KIAA0825: variants seen among roughly 807,000 people sequenced by gnomAD.
The protein encoded by KIAA0825 is KIAA0825.
KIAA0825 carries 119 observed loss-of-function variants against 147.6 expected under a neutral mutation model. The ratio of observed to expected loss-of-function variants is 0.81; its 90% CI spans 0.69 to 0.94. The LOEUF (loss-of-function observed/expected upper bound fraction) is 0.94, where lower values mean the gene tolerates loss of function less well. KIAA0825 is among the 40% of genes least tolerant of loss of function. KIAA0825 has a pLI of 0.00. For synonymous variants in KIAA0825, 470 were observed against 518.1 expected (o/e 0.91, Z 1.26); for missense variants, 1,381 against 1,472.7 (o/e 0.94, Z 1.02).
At chr5:94,276,892 C>A (rs1392301425) in intron 20 of KIAA0825, among the ~76,000 whole-genome samples, 3 of 152,042 alleles carry the variant, frequency 2.0e-5, no homozygotes, top group Non-Finnish European at 4.4e-5. Context: ...AATGAGAATT[C>A]TTTTCCTAAG....
At chr5:94,509,546 T>C (rs911977770) in intron 5 of KIAA0825, among the ~76,000 whole-genome samples, 5 of 152,180 alleles carry the variant, frequency 3.3e-5, no homozygotes, top group African/African-American at 1.2e-4. Context: ...TCCATAAACA[T>C]AGAAAGCTTC....
chr5:94,553,697 C>T (rs911475580), intron 2 of KIAA0825, among the ~76,000 whole-genome samples: 4 of 150,850 alleles, frequency 2.7e-5, no homozygotes, highest in Middle Eastern at 3.4e-3. Context: ...ACCTGGGAGG[C>T]GGAGGCTGCC....
chr5:94,396,280 A>G lies in KIAA0825; in HGVS notation c.3117T>C (p.Ser1039=), dbSNP rs308207. 1,441,712 of 1,551,326 alleles carry G rather than the reference A, an allele frequency of 0.93. 670,308 individuals carry two copies. The highest frequency in any genetic ancestry group is 1 in the East Asian group (40,891 of 40,908). The change falls in exon 17 of 21, where the codon TCT becomes TCC. Residue 1039 remains serine (S), a synonymous_variant. Transcript: ENST00000682413. ...ATTTTTCTTTACTCCATCTGTCAAG[A>G]GAGGCACCTGTTAAAAGTTCCACAG... ...GNTVELLTGA[S]LDRWSKEKLG... is the part of the protein sequence containing the mutation.
At position 94,394,090 on chromosome 5, in the gene KIAA0825, G is replaced by T. The variant is rs7732978; in HGVS notation, c.3296+2011C>A. ...TGGTCTCGAACTCCTGACCTCAGGT[G>T]ATCCGCCTGCCTTAGCCTCCCAAAA... is the stretch of plus-strand genomic sequence containing the variant. On this transcript the variant is annotated intron_variant, in intron 17 of 20. Coordinates refer to ENST00000682413, the MANE Select transcript of KIAA0825 (RefSeq NM_001145678.3). Among the ~76,000 whole-genome samples the T allele has an allele frequency of 8.6e-3, 1,300 of 152,026 alleles. 22 individuals carry two copies. The highest frequency in any genetic ancestry group is 0.03 in the African/African-American group (1,236 of 41,478).
intron 20 of KIAA0825, among the ~76,000 whole-genome samples, chr5:94,332,461 C>T (rs933266314): frequency 2.6e-5 from 4 of 152,022 alleles, no homozygotes; most frequent in Admixed American, 6.6e-5. Context: ...CACTTATGAG[C>T]GAGAAAATGC....
intron 2 of KIAA0825, among the ~76,000 whole-genome samples, chr5:94,560,109 C>T (rs567352940): frequency 6.6e-6 from 1 of 152,304 alleles, no homozygotes; most frequent in East Asian, 1.9e-4. Flanking sequence ...GCTAGTCAAA[C>T]CTCTTCTCTC....
intron 20 of KIAA0825, among the ~76,000 whole-genome samples, chr5:94,372,007 G>GC (rs780470488): frequency 4.6e-5 from 7 of 152,246 alleles, no homozygotes; most frequent in Non-Finnish European, 8.8e-5. Flanking sequence ...GCAATTACAT[G>GC]CCCCACACAA....
At chr5:94,566,787 T>C (rs1027157534) in intron 2 of KIAA0825, among the ~76,000 whole-genome samples, 1 of 152,174 alleles carries the variant, frequency 6.6e-6, no homozygotes, top group Non-Finnish European at 1.5e-5. Flanking sequence ...GGTAAATTTA[T>C]TAAGTTCAGA....
At chr5:94,213,667 A>C (rs1211756698) in intron 20 of KIAA0825, among the ~76,000 whole-genome samples, 1 of 152,182 alleles carries the variant, frequency 6.6e-6, no homozygotes, top group Admixed American at 6.5e-5. Flanking sequence ...TGAAAGTCAC[A>C]TTCTTACTCA....
chr5:94,455,304 G>A (rs1004841230), intron 12 of KIAA0825, among the ~76,000 whole-genome samples: 3 of 152,116 alleles, frequency 2.0e-5, no homozygotes, highest in African/African-American at 7.2e-5. Flanking sequence ...AATCAGAGAA[G>A]TAGGCCAAGA....
intron 13 of KIAA0825, among the ~76,000 whole-genome samples, chr5:94,445,171 C>T (rs1181374722): frequency 1.3e-5 from 2 of 152,096 alleles, no homozygotes; most frequent in Non-Finnish European, 2.9e-5. Context: ...ACAGGGAGTT[C>T]AGAAAAAGTC....
At chr5:94,171,884 G>C (rs1028169755) in intron 20 of KIAA0825, among the ~76,000 whole-genome samples, 3 of 152,074 alleles carry the variant, frequency 2.0e-5, no homozygotes, top group African/African-American at 7.2e-5. Context: ...GATACTGAGA[G>C]AGTGCAGATA....
At chr5:94,160,072 A>T (rs1387380148) in intron 20 of KIAA0825, among the ~76,000 whole-genome samples, 2 of 152,126 alleles carry the variant, frequency 1.3e-5, no homozygotes, top group Non-Finnish European at 2.9e-5. Flanking sequence ...TGCACAGTGC[A>T]GACTGGTTTT....
intron 20 of KIAA0825, among the ~76,000 whole-genome samples, chr5:94,215,355 A>T (rs1773101007): frequency 6.6e-6 from 1 of 152,236 alleles, no homozygotes; most frequent in Non-Finnish European, 1.5e-5. Context: ...AACCAACATG[A>T]GAAACACATC....
intron 2 of KIAA0825, among the ~76,000 whole-genome samples, chr5:94,544,394 C>T (rs997704326): frequency 6.6e-6 from 1 of 152,164 alleles, no homozygotes; most frequent in African/African-American, 2.4e-5. Context: ...AGAGCCTTCC[C>T]TCCTTGATGA....
At chr5:94,364,832 T>C (rs1379919098) in intron 20 of KIAA0825, among the ~76,000 whole-genome samples, 1 of 152,110 alleles carries the variant, frequency 6.6e-6, no homozygotes, top group African/African-American at 2.4e-5. Flanking sequence ...CATTTTCTTT[T>C]CTAACAAAGT....
intron 14 of KIAA0825, among the ~76,000 whole-genome samples, chr5:94,429,128 C>T (rs541586460): frequency 6.6e-6 from 1 of 152,250 alleles, no homozygotes; most frequent in Non-Finnish European, 1.5e-5. Flanking sequence ...GATTTTCAAT[C>T]TTGTCTTGGA....
intron 5 of KIAA0825, among the ~76,000 whole-genome samples, chr5:94,505,871 G>A (rs1334999359): frequency 2.0e-5 from 3 of 152,034 alleles, no homozygotes; most frequent in Admixed American, 6.6e-5. Flanking sequence ...ATTACTTTTT[G>A]GAGGTTCTGT....
At chr5:94,519,824 G>A in intron 5 of KIAA0825, 3 of 713,378 alleles carry the variant, frequency 4.2e-6, no homozygotes, top group Non-Finnish European at 3.4e-6. Flanking sequence ...TTTCTGTTAT[G>A]TATATAACTA....
Sources: allele counts gnomAD v4.1 joint callset (sites outside exome capture counted in the v4.1 genomes callset), GRCh38; gene constraint gnomAD v4.1.1; transcripts MANE v1.5; gene names NCBI Gene and HGNC (gene_info 2026-07-23, HGNC 2026-07-21).